PROS1: variants seen among roughly 807,000 people sequenced by gnomAD.
PROS1 encodes the protein vitamin K-dependent protein S.
PROS1 carries 29 observed loss-of-function variants against 75.9 expected under a neutral mutation model. The ratio of observed to expected loss-of-function variants is 0.38; its 90% confidence interval spans 0.28 to 0.52. PROS1 has a LOEUF of 0.52. PROS1 is among the 20% of genes least tolerant of loss of function. PROS1 has a pLI of 0.83. For synonymous variants in PROS1, 245 were observed against 280.6 expected (o/e 0.87, Z 1.27); for missense variants, 680 against 810.3 (o/e 0.84, Z 1.95).
chr3:93,960,327 C>T (rs1709684497), intron 1 of PROS1, among the ~76,000 whole-genome samples: 1 of 151,992 alleles, frequency 6.6e-6, no homozygotes, highest in Non-Finnish European at 1.5e-5. Context: ...CAGGTGCCCA[C>T]CACCATGCCC....
At chr3:93,926,745 A>G (rs1265327886) in intron 2 of PROS1, among the ~76,000 whole-genome samples, 1 of 152,232 alleles carries the variant, frequency 6.6e-6, no homozygotes, top group Non-Finnish European at 1.5e-5. Context: ...ACACGTTAAT[A>G]CTTCAGACAT....
chr3:93,924,310 A>G, intron 2 of PROS1, 46 bp from the exon 3 acceptor site: 1 of 1,149,100 alleles, frequency 8.7e-7, no homozygotes, highest in Non-Finnish European at 1.2e-6. Flanking sequence ...CCTAAATTTC[A>G]TTATAGAGTT....
intron 14 of PROS1, 33 bp downstream of exon 14, chr3:93,876,933 C>T: frequency 1.5e-6 from 2 of 1,378,884 alleles, no homozygotes; most frequent in African/African-American, 1.4e-5. Context: ...TTAAAATATA[C>T]TTTTTAAAAC....
At chr3:93,910,548 A>G in intron 4 of PROS1, 71 bp downstream of exon 4, 1 of 1,260,172 alleles carries the variant, frequency 7.9e-7, no homozygotes, top group Non-Finnish European at 1.1e-6. Flanking sequence ...ACGTTAGTTT[A>G]TATTACCATG....
intron 6 of PROS1, 53 bp downstream of exon 6, chr3:93,905,731 T>C: frequency 6.3e-7 from 1 of 1,582,502 alleles, no homozygotes; most frequent in Admixed American, 1.7e-5. Context: ...TTTCTCTAAC[T>C]GGGATTATTC....
chr3:93,957,925 A>G (rs1041481658), intron 1 of PROS1, among the ~76,000 whole-genome samples: 2 of 151,862 alleles, frequency 1.3e-5, no homozygotes, highest in Admixed American at 6.6e-5. Context: ...CCTGTCTCTA[A>G]AAAAATACAG....
chr3:93,973,423 C>T (rs1353252312), intron 1 of PROS1: 2 of 484,800 alleles, frequency 4.1e-6, no homozygotes, highest in South Asian at 2.8e-5. Context: ...TCCATTGATA[C>T]TTAGTGTCAT....
intron 3 of PROS1, among the ~76,000 whole-genome samples, chr3:93,911,461 C>T (rs80004154): frequency 1.3e-5 from 2 of 152,286 alleles, no homozygotes; most frequent in East Asian, 3.9e-4. Flanking sequence ...TTTTACTTAG[C>T]TTTTGCCAAG....
rs917746560 is a variant in PROS1 at position 93,945,915 on chromosome 3, G to A, written c.77-18508C>T. Among the ~76,000 whole-genome samples the A allele has an allele frequency of 1.1e-4, 17 of 152,066 alleles. 1 individual carries two copies. The highest frequency in any genetic ancestry group is 3.8e-4 in the East Asian group (2 of 5,200). On this transcript the variant is annotated intron_variant, in intron 1 of 14. Transcript: ENST00000394236. The stretch of plus-strand genomic sequence containing the variant: ...GACTGTATATTTAGAAAACTCCCTC[G>A]TCTCAGCCCAAAATCTCCTTAAGCT...
At chr3:93,885,414 T>C (rs1466356460) in intron 11 of PROS1, among the ~76,000 whole-genome samples, 1 of 152,080 alleles carries the variant, frequency 6.6e-6, no homozygotes, top group East Asian at 1.9e-4. Flanking sequence ...TTAGTAGAGA[T>C]GGGGTTTTGC....
intron 11 of PROS1, 131 bp from the exon 12 acceptor site, chr3:93,885,027 T>A: frequency 1.2e-6 from 1 of 855,966 alleles, no homozygotes; most frequent in Non-Finnish European, 1.8e-6. Context: ...TGAATTTTAT[T>A]TAAGTTTTTC....
intron 3 of PROS1, among the ~76,000 whole-genome samples, chr3:93,920,247 T>A (rs1416260742): frequency 2.0e-5 from 3 of 151,982 alleles, no homozygotes; most frequent in African/African-American, 4.8e-5. Flanking sequence ...ATATAAAATA[T>A]AATAAAATAA....
At chr3:93,965,866 T>C (rs1167357301) in intron 1 of PROS1, among the ~76,000 whole-genome samples, 1 of 152,096 alleles carries the variant, frequency 6.6e-6, no homozygotes, top group South Asian at 2.1e-4. Context: ...GGCTAATTTT[T>C]GTATGTTTAG....
chr3:93,883,431 C>G, intron 12 of PROS1, among the ~76,000 whole-genome samples: 1 of 151,352 alleles, frequency 6.6e-6, no homozygotes, highest in Non-Finnish European at 1.5e-5. Flanking sequence ...AAAACCTCGT[C>G]AAAAATACAA....
At position 93,884,786 on chromosome 3, in the gene PROS1, A is replaced by G. The variant is rs199750003; in HGVS notation, c.1434T>C (p.Thr478=). ...QEKQNKHCLV[T]VEKGSYYPGS... ...CAGGATAGTAGGAGCCCTTCTCCAC[A>G]GTAACCAGGCAATGCTTATTTTGTT... Residue 478 remains threonine, a synonymous_variant, in exon 12 of 15, where the codon ACT becomes ACC. Coordinates refer to ENST00000394236, the MANE Select transcript of PROS1 (RefSeq NM_000313.4). 6.2e-6 allele frequency: 10 copies of G among 1,613,972 alleles called. No individual in the cohort carries two copies. Among genetic ancestry groups the G allele is most frequent in the Middle Eastern group, 3.3e-4 (2 of 6,058 alleles).
chr3:93,885,540 T>C (rs916305838), intron 11 of PROS1, among the ~76,000 whole-genome samples: 6 of 152,168 alleles, frequency 3.9e-5, no homozygotes, highest in African/African-American at 1.2e-4. Flanking sequence ...TTTTCTTTAG[T>C]GGCATTTATA....
chr3:93,957,055 A>G (rs542058896), intron 1 of PROS1, among the ~76,000 whole-genome samples: 2 of 152,294 alleles, frequency 1.3e-5, no homozygotes, highest in South Asian at 2.1e-4. Context: ...TCATTACAAT[A>G]TAATTGATAT....
intron 1 of PROS1, among the ~76,000 whole-genome samples, chr3:93,958,019 C>T (rs1341814790): frequency 2.0e-5 from 3 of 151,828 alleles, no homozygotes; most frequent in African/African-American, 7.3e-5. Context: ...ACCCAGGAAG[C>T]GGAGGTTGCA....
chr3:93,930,002 T>G (rs1709081891), intron 1 of PROS1, among the ~76,000 whole-genome samples: 1 of 152,140 alleles, frequency 6.6e-6, no homozygotes, highest in Non-Finnish European at 1.5e-5. Flanking sequence ...AGCAAAAAGA[T>G]TTATCAACAG....
Sources: allele counts gnomAD v4.1 joint callset (sites outside exome capture counted in the v4.1 genomes callset), GRCh38; gene constraint gnomAD v4.1.1; transcripts MANE v1.5; gene names NCBI Gene and HGNC (gene_info 2026-07-23, HGNC 2026-07-21).